Variants in GPD2 observed in about 807,000 individuals in gnomAD.
GPD2 encodes the protein glycerol-3-phosphate dehydrogenase, mitochondrial.
GPD2 carries 54 observed loss-of-function variants against 82.4 expected under a neutral mutation model. That is an observed-to-expected ratio of 0.66 (90% CI 0.53 to 0.82). The LOEUF (loss-of-function observed/expected upper bound fraction) is 0.82. GPD2 is among the 40% of genes least tolerant of loss of function. The pLI is 0.00. For missense variants in GPD2, 748 were observed against 896.2 expected, an observed-to-expected ratio of 0.83 and a Z score of 2.11; for synonymous variants, 288 against 306.1, an observed-to-expected ratio of 0.94 and a Z score of 0.62.
intron 8 of GPD2, among the ~76,000 whole-genome samples, chr2:156,554,614 AC>A (rs1367447014): frequency 1.3e-5 from 2 of 152,204 alleles, no homozygotes; most frequent in Non-Finnish European, 2.9e-5. Context: ...AAAACACAAC[AC>A]AGAAATTATT....
At chr2:156,452,531 T>C (rs186168538) in intron 1 of GPD2, among the ~76,000 whole-genome samples, 18 of 151,644 alleles carry the variant, frequency 1.2e-4, no homozygotes, top group African/African-American at 4.4e-4. Context: ...AGGGAGACCA[T>C]GGAAAGAGAG....
chr2:156,564,694 C>T (rs1214501232), intron 9 of GPD2, among the ~76,000 whole-genome samples: 3 of 152,068 alleles, frequency 2.0e-5, no homozygotes, highest in Admixed American at 6.6e-5. Context: ...GATCCAACCA[C>T]CTTCTGGTCT....
chr2:156,578,782 A>G (rs899570425), intron 13 of GPD2, 107 bp from the exon 14 acceptor site: 74 of 736,994 alleles, frequency 1.0e-4, no homozygotes, highest in Non-Finnish European at 1.7e-4. Context: ...TGTGCTGGTT[A>G]GATAAGTAAG....
At chr2:156,441,892 T>A (rs926941820) in intron 1 of GPD2, among the ~76,000 whole-genome samples, 3 of 152,240 alleles carry the variant, frequency 2.0e-5, no homozygotes, top group Admixed American at 6.5e-5. Context: ...ACTAGAGGAA[T>A]AAGTTTTCTT....
rs1204142408 is a variant in GPD2 at position 156,520,560 on chromosome 2, G to GTTAGTTAT, written c.661+7067_661+7068insGTTATTTA. On this transcript the variant is annotated intron_variant, in intron 6 of 16. Coordinates refer to ENST00000438166, the MANE Select transcript of GPD2 (RefSeq NM_000408.5). ...ATTTATTTTTAAAATTATTTTTATT[G>GTTAGTTAT]TTATTTATTTATTTATTTATTTATT... is the stretch of plus-strand genomic sequence containing the variant. 7.0e-4 allele frequency among the ~76,000 whole-genome samples: 101 copies of GTTAGTTAT among 144,020 alleles called. 1 individual carries two copies. The highest frequency in any genetic ancestry group is 3.7e-3 in the Middle Eastern group (1 of 272). The allele number at this position is 144,020 out of a possible 152,430, so 94.5% of individuals were successfully genotyped here.
At chr2:156,498,071 G>C (rs1220586352) in intron 3 of GPD2, among the ~76,000 whole-genome samples, 1 of 152,132 alleles carries the variant, frequency 6.6e-6, no homozygotes, top group African/African-American at 2.4e-5. Flanking sequence ...ATATCAAAGA[G>C]GATCATTTCC....
intron 2 of GPD2, chr2:156,495,777 T>C: frequency 2.2e-6 from 1 of 455,638 alleles, no homozygotes; most frequent in South Asian, 2.1e-5. Flanking sequence ...ATAATTGAAC[T>C]TGGCTGTATA....
chr2:156,434,983 A>C (rs544878994), upstream of GPD2, among the ~76,000 whole-genome samples: 25 of 152,234 alleles, frequency 1.6e-4, no homozygotes, highest in East Asian at 4.8e-3. Flanking sequence ...TGGGGATGGA[A>C]ATCTGGCATT....
chr2:156,437,681 T>A (rs564426592), intron 1 of GPD2, among the ~76,000 whole-genome samples: 1 of 152,340 alleles, frequency 6.6e-6, no homozygotes, highest in Non-Finnish European at 1.5e-5. Flanking sequence ...TCATTGCAAC[T>A]GTCCATTCTC....
chr2:156,541,925 T>G (rs558842287), intron 6 of GPD2, among the ~76,000 whole-genome samples: 1 of 146,906 alleles, frequency 6.8e-6, no homozygotes, highest in East Asian at 2.2e-4. Flanking sequence ...TGGAACATTT[T>G]TGTACAGAAA....
intron 6 of GPD2, among the ~76,000 whole-genome samples, chr2:156,516,993 A>C (rs1251481134): frequency 6.6e-6 from 1 of 152,242 alleles, no homozygotes; most frequent in African/African-American, 2.4e-5. Flanking sequence ...AAAGATAAAA[A>C]TTTTAATTTC....
At chr2:156,469,568 C>T (rs979683284) in intron 1 of GPD2, among the ~76,000 whole-genome samples, 1 of 152,098 alleles carries the variant, frequency 6.6e-6, no homozygotes, top group African/African-American at 2.4e-5. Flanking sequence ...GATTGAAAAT[C>T]TTGGCTACTG....
At chr2:156,508,178 T>C (rs1178499658) in intron 3 of GPD2, among the ~76,000 whole-genome samples, 1 of 152,030 alleles carries the variant, frequency 6.6e-6, no homozygotes, top group Non-Finnish European at 1.5e-5. Context: ...TCCCTCATAG[T>C]GGACAGTGCT....
Position 156,496,148 on chromosome 2 carries a change from A to G in GPD2, c.207A>G (p.Glu69=). The G allele has an allele frequency of 6.2e-7, 1 of 1,613,092 alleles. No homozygotes were observed. The highest frequency in any genetic ancestry group is 8.5e-7 in the Non-Finnish European group (1 of 1,179,086). ...AQLLTLQNTS[E]FDILVIGGGA... is the part of the protein sequence containing the mutation. ...TACTGACTTTGCAAAACACATCTGAATTTGATATCCTTGTTATTGGAGGAG... is the reference window on the plus strand; with the variant it reads ...TACTGACTTTGCAAAACACATCTGAGTTTGATATCCTTGTTATTGGAGGAG... The change falls in exon 3 of 17, where the codon GAA becomes GAG. Residue 69 remains glutamate, a synonymous_variant. Transcript: ENST00000438166.
chr2:156,430,560 T>C (rs978613881), upstream of GPD2, among the ~76,000 whole-genome samples: 3 of 152,244 alleles, frequency 2.0e-5, no homozygotes, highest in Admixed American at 2.0e-4. Flanking sequence ...CAGTGTTCTC[T>C]ATACCAAGCA....
intron 13 of GPD2, among the ~76,000 whole-genome samples, chr2:156,574,655 G>T (rs1184586380): frequency 6.6e-6 from 1 of 152,050 alleles, no homozygotes; most frequent in Non-Finnish European, 1.5e-5. Flanking sequence ...AAGACTTTGA[G>T]TGGCTGATTA....
chr2:156,578,825 A>C, intron 13 of GPD2, 64 bp from the exon 14 acceptor site: 1 of 961,526 alleles, frequency 1.0e-6, no homozygotes, highest in Non-Finnish European at 1.7e-6. Context: ...TCAACAGTAA[A>C]AAAAGGAGGA....
At chr2:156,528,930 T>G (rs1197046637) in intron 6 of GPD2, among the ~76,000 whole-genome samples, 1 of 152,130 alleles carries the variant, frequency 6.6e-6, no homozygotes, top group East Asian at 1.9e-4. Context: ...CAGCATGATT[T>G]ATAGTCCTTT....
intron 1 of GPD2, among the ~76,000 whole-genome samples, chr2:156,455,298 T>A (rs1225627832): frequency 6.6e-6 from 1 of 152,192 alleles, no homozygotes; most frequent in Non-Finnish European, 1.5e-5. Context: ...GTCTTTTAAG[T>A]TCAACCATGG....
Sources: allele counts gnomAD v4.1 joint callset (sites outside exome capture counted in the v4.1 genomes callset), GRCh38; gene constraint gnomAD v4.1.1; transcripts MANE v1.5; gene names NCBI Gene and HGNC (gene_info 2026-07-23, HGNC 2026-07-21).